Variants in AGTPBP1 observed in about 807,000 individuals in gnomAD.
AGTPBP1 encodes the protein ATP/GTP binding carboxypeptidase 1, also known as cytosolic carboxypeptidase 1.
A neutral mutation model predicts 143.9 loss-of-function variants in AGTPBP1; 70 were observed. The observed-to-expected ratio is 0.49, with a 90% CI of 0.40 to 0.59. AGTPBP1 has a LOEUF of 0.59. AGTPBP1 is among the 20% of genes least tolerant of loss of function. AGTPBP1 has a pLI of 0.00. For synonymous variants in AGTPBP1, 463 were observed against 500.2 expected, an observed-to-expected ratio of 0.93 and a Z score of 0.99; for missense variants, 1,229 against 1,464.5, an observed-to-expected ratio of 0.84 and a Z score of 2.62.
At chr9:85,608,357 C>T (rs1182998269) in intron 17 of AGTPBP1, among the ~76,000 whole-genome samples, 2 of 151,982 alleles carry the variant, frequency 1.3e-5, no homozygotes, top group South Asian at 2.1e-4. Context: ...CAGGGACATA[C>T]TATTGATATA....
intron 25 of AGTPBP1, among the ~76,000 whole-genome samples, chr9:85,563,335 G>C (rs765327454): frequency 1.7e-4 from 26 of 152,168 alleles, no homozygotes; most frequent in Admixed American, 7.9e-4. Context: ...GTGAGGCTCA[G>C]AAAGAAAACA....
At position 85,656,034 on chromosome 9, in the gene AGTPBP1, A is replaced by G. The variant is rs1397542037; in HGVS notation, c.910-714T>C. Among the ~76,000 whole-genome samples the G allele has an allele frequency of 3.9e-5, 6 of 152,204 alleles. No homozygotes were observed. The South Asian group carries it at 8.3e-4, about 21-fold the overall frequency. ...AGTAGAGACGAGGTTTCACCATGTT[A>G]GCCAGGATGGTCTCGATCTTCTGAC... On this transcript the variant is annotated intron_variant, in intron 10 of 25. Transcript: ENST00000357081.
chr9:85,680,423 A>T (rs1835096133), intron 4 of AGTPBP1, among the ~76,000 whole-genome samples: 1 of 152,086 alleles, frequency 6.6e-6, no homozygotes, highest in African/African-American at 2.4e-5. Flanking sequence ...GTCTCTACTA[A>T]AAATACAAAA....
At chr9:85,573,761 G>A (rs905643755) in intron 25 of AGTPBP1, among the ~76,000 whole-genome samples, 11 of 150,648 alleles carry the variant, frequency 7.3e-5, no homozygotes, top group East Asian at 2.0e-4. Flanking sequence ...CCACCACCCC[G>A]TCTGGGATGT....
At chr9:85,583,219 TTCTGA>T (rs1422589191) in intron 23 of AGTPBP1, among the ~76,000 whole-genome samples, 1 of 152,216 alleles carries the variant, frequency 6.6e-6, no homozygotes, top group African/African-American at 2.4e-5. Context: ...TACCTTCGAC[TTCTGA>T]TCTGCAGAAC....
chr9:85,659,334 A>G (rs1364987084), intron 9 of AGTPBP1, among the ~76,000 whole-genome samples: 1 of 152,132 alleles, frequency 6.6e-6, no homozygotes, highest in Non-Finnish European at 1.5e-5. Context: ...GCCAAAACCA[A>G]AAAAATTTTG....
the AGTPBP1 span, among the ~76,000 whole-genome samples, chr9:85,801,531 A>T: frequency 6.6e-6 from 1 of 151,972 alleles, no homozygotes; most frequent in Admixed American, 6.6e-5. Flanking sequence ...ATCTACTTGA[A>T]ATACACATTG....
In AGTPBP1 at chr9:85,711,341, A is replaced by C. The variant is rs142639142; in HGVS notation, c.32+1161T>G. Among the ~76,000 whole-genome samples the C allele has an allele frequency of 1.3e-3, 195 of 152,334 alleles. 1 individual carries two copies. The highest frequency in any genetic ancestry group is 4.6e-3 in the African/African-American group (191 of 41,584). ...AATTGTCTTTCAACTGAAAGAAATA[A>C]AACCAACATTAAGACAATTTCTTGA... is the stretch of plus-strand genomic sequence containing the variant. On this transcript the variant is annotated intron_variant, in intron 2 of 25. Transcript: ENST00000357081.
At chr9:85,734,822 A>T (rs1468144847) in intron 1 of AGTPBP1, among the ~76,000 whole-genome samples, 1 of 152,186 alleles carries the variant, frequency 6.6e-6, no homozygotes, top group Non-Finnish European at 1.5e-5. Flanking sequence ...TCATGAAGTC[A>T]GGAGACAGGG....
intron 11 of AGTPBP1, 79 bp from the exon 12 acceptor site, chr9:85,646,497 ATATAAAGTATTT>A: frequency 1.1e-6 from 1 of 951,434 alleles, no homozygotes; most frequent in Non-Finnish European, 1.7e-6. Flanking sequence ...AATGTGACTT[ATATAAAGTATTT>A]CAATCACCAG....
the AGTPBP1 span, among the ~76,000 whole-genome samples, chr9:85,755,185 A>G: frequency 6.6e-6 from 1 of 152,032 alleles, no homozygotes; most frequent in Admixed American, 6.6e-5. Context: ...TCACTGTCTC[A>G]TTGTATGATA....
In AGTPBP1 at chr9:85,582,404, C is replaced by T. The variant is rs116206596; in HGVS notation, c.3165+3059G>A. Among the ~76,000 whole-genome samples, 1,372 of 152,236 alleles carry T rather than the reference C, an allele frequency of 9.0e-3. 15 individuals are homozygous for T. The highest frequency in any genetic ancestry group is 0.024 in the African/African-American group (1,003 of 41,524). On this transcript the variant is annotated intron_variant, in intron 23 of 25. Coordinates refer to ENST00000357081, the MANE Select transcript of AGTPBP1 (RefSeq NM_001330701.2). ...TTCAAATGACAATTTAGGCTGGGCG[C>T]GATGGCTCATACCCATAATTCCAGT...
intron 1 of AGTPBP1, among the ~76,000 whole-genome samples, chr9:85,714,711 T>A (rs79352312): frequency 5.9e-5 from 9 of 152,234 alleles, no homozygotes; most frequent in African/African-American, 2.2e-4. Context: ...TGTGTCATTA[T>A]ATAGCATTCC....
chr9:85,568,864 T>C (rs540363951), intron 25 of AGTPBP1, among the ~76,000 whole-genome samples: 1 of 152,224 alleles, frequency 6.6e-6, no homozygotes, highest in South Asian at 2.1e-4. Flanking sequence ...ATGAACAGGT[T>C]TGCTATGGGA....
intron 17 of AGTPBP1, among the ~76,000 whole-genome samples, chr9:85,611,155 C>CTT (rs56023115): frequency 5.2e-4 from 59 of 112,734 alleles, no homozygotes; most frequent in South Asian, 1.2e-3. Flanking sequence ...AGGGGCTTTT[C>CTT]TTTTTTTTTT....
intron 12 of AGTPBP1, among the ~76,000 whole-genome samples, chr9:85,644,511 C>A (rs772445736): frequency 1.0e-4 from 15 of 149,932 alleles, no homozygotes; most frequent in Non-Finnish European, 1.6e-4. Flanking sequence ...AGCTCAACAG[C>A]AGGGAATTTT....
At chr9:85,756,345 G>C in the AGTPBP1 span, 2 of 1,311,068 alleles carry the variant, frequency 1.5e-6, no homozygotes, top group Non-Finnish European at 2.0e-6. Flanking sequence ...TAAGAAATGT[G>C]TGGGAGGAGG....
At chr9:85,596,470 G>A (rs1253483612) in intron 17 of AGTPBP1, 21 bp from the exon 18 acceptor site, 1 of 1,472,428 alleles carries the variant, frequency 6.8e-7, no homozygotes, top group East Asian at 2.3e-5. Flanking sequence ...GAGAAAAAAA[G>A]AGAGAAAATT....
rs1439002977 is a variant in AGTPBP1, at chr9:85,632,951, T to C, written c.1726A>G (p.Thr576Ala). 2 of 1,614,152 alleles carry C rather than the reference T, an allele frequency of 1.2e-6. No individual in the cohort carries two copies. The highest frequency in any genetic ancestry group is 4.5e-5 in the East Asian group (2 of 44,884). Residue 576 changes from threonine (T) to alanine (A), a missense_variant, in exon 14 of 26, where the codon ACT becomes GCT. Around this residue, in one of 2 missense-constraint regions of AGTPBP1, gnomAD observed 743 missense variants for 812.2 expected, o/e 0.91. Transcript: ENST00000357081. The stretch of plus-strand genomic sequence containing the variant: ...CCCTCAAACAGAACATTTCCACAAG[T>C]AGCCATGTGTGGACATGCTTTAGCA... ...TCAKACPHMATCGNVLFEGRT... is the reference protein window; with the variant it reads ...TCAKACPHMAACGNVLFEGRT...
Sources: allele counts gnomAD v4.1 joint callset (sites outside exome capture counted in the v4.1 genomes callset), GRCh38; gene constraint gnomAD v4.1.1; regional missense constraint gnomAD v4.1.1; transcripts MANE v1.5; gene names NCBI Gene and HGNC (gene_info 2026-07-23, HGNC 2026-07-21).